FNDC3B: variants seen among roughly 807,000 people sequenced by gnomAD.
The protein encoded by FNDC3B is fibronectin type III domain containing 3B.
Under a neutral mutation model 151.5 loss-of-function variants are expected in FNDC3B, and 12 were observed. That is an observed-to-expected ratio of 0.08 (90% CI 0.05 to 0.13). FNDC3B has a LOEUF of 0.13. FNDC3B is among the 10% of genes least tolerant of loss of function. The probability of loss-of-function intolerance (pLI) is 1.00; values close to 1 mark genes in which losing one functional copy is unlikely to be tolerated. For missense variants in FNDC3B, 1,214 were observed against 1,505.3 expected (o/e 0.81, Z 3.20); for synonymous variants, 528 against 549.0 (o/e 0.96, Z 0.54).
chr3:172,207,886 G>A (rs1725512784), intron 3 of FNDC3B, among the ~76,000 whole-genome samples: 1 of 152,222 alleles, frequency 6.6e-6, no homozygotes, highest in African/African-American at 2.4e-5. Context: ...GAAGGAGGTT[G>A]CAGTGAACCG....
At chr3:172,186,652 C>T (rs1724200273) in intron 3 of FNDC3B, 2 of 671,364 alleles carry the variant, frequency 3.0e-6, no homozygotes, top group Non-Finnish European at 2.7e-6. Context: ...GCAAGAAAAT[C>T]ATGGAAAATT....
intron 3 of FNDC3B, among the ~76,000 whole-genome samples, chr3:172,156,853 T>C (rs146510334): frequency 6.6e-6 from 1 of 152,306 alleles, no homozygotes; most frequent in East Asian, 1.9e-4. Context: ...TTTTTAACCT[T>C]TTGAGGTGTG....
intron 11 of FNDC3B, among the ~76,000 whole-genome samples, chr3:172,328,143 T>A (rs1202733097): frequency 6.6e-6 from 1 of 152,212 alleles, no homozygotes; most frequent in African/African-American, 2.4e-5. Flanking sequence ...ATTTTTACTT[T>A]AACGAATTTG....
chr3:172,138,429 C>T (rs1027515925), intron 3 of FNDC3B, among the ~76,000 whole-genome samples: 2 of 152,062 alleles, frequency 1.3e-5, no homozygotes, highest in African/African-American at 2.4e-5. Flanking sequence ...GGTTTAGTTA[C>T]GTGCTTATAG....
chr3:172,387,145 C>T (rs1194266500), intron 25 of FNDC3B, among the ~76,000 whole-genome samples: 8 of 152,130 alleles, frequency 5.3e-5, no homozygotes, highest in African/African-American at 7.2e-5. Flanking sequence ...TTAGTAGAGA[C>T]GGGATTTCAC....
At chr3:172,396,810 C>T (rs1375985935) in intron 25 of FNDC3B, among the ~76,000 whole-genome samples, 1 of 152,206 alleles carries the variant, frequency 6.6e-6, no homozygotes, top group Non-Finnish European at 1.5e-5. Flanking sequence ...ACTTGTCCTC[C>T]ACAAAACCAG....
chr3:172,051,378 T>C (rs1183812881), intron 1 of FNDC3B, among the ~76,000 whole-genome samples: 1 of 152,204 alleles, frequency 6.6e-6, no homozygotes, highest in Non-Finnish European at 1.5e-5. Flanking sequence ...ATAGTCTCCT[T>C]GTCTCCCTTA....
At chr3:172,375,540 A>G (rs1187848609) in intron 23 of FNDC3B, among the ~76,000 whole-genome samples, 1 of 152,182 alleles carries the variant, frequency 6.6e-6, no homozygotes, top group East Asian at 1.9e-4. Context: ...GGAATTACTT[A>G]CCATCTATTT....
At chr3:172,213,986 A>G (rs1167956720) in intron 3 of FNDC3B, among the ~76,000 whole-genome samples, 1 of 117,484 alleles carries the variant, frequency 8.5e-6, no homozygotes, top group Non-Finnish European at 1.8e-5. Context: ...GCAATGTGCC[A>G]AAATTAGAAG....
intron 8 of FNDC3B, 84 bp downstream of exon 8, chr3:172,295,598 T>A: frequency 7.2e-7 from 1 of 1,380,766 alleles, no homozygotes; most frequent in South Asian, 1.3e-5. Context: ...AAGGAAAACC[T>A]TATAGGCTTG....
intron 3 of FNDC3B, among the ~76,000 whole-genome samples, chr3:172,174,056 C>T (rs919337323): frequency 6.6e-6 from 1 of 152,120 alleles, no homozygotes; most frequent in African/African-American, 2.4e-5. Context: ...TGTGTCTGTA[C>T]TCTGTGGCAC....
chr3:172,070,866 A>T (rs1717742579), intron 1 of FNDC3B, among the ~76,000 whole-genome samples: 3 of 152,084 alleles, frequency 2.0e-5, no homozygotes, highest in African/African-American at 7.2e-5. Flanking sequence ...TTCATCCTTC[A>T]ATATTTCAGT....
chr3:172,363,674 T>C (rs1734470861), intron 23 of FNDC3B, among the ~76,000 whole-genome samples: 1 of 152,246 alleles, frequency 6.6e-6, no homozygotes, highest in Non-Finnish European at 1.5e-5. Flanking sequence ...CTTTTATGCA[T>C]GATACTATTC....
At chr3:172,046,590 T>C (rs1206658399) in intron 1 of FNDC3B, among the ~76,000 whole-genome samples, 1 of 152,098 alleles carries the variant, frequency 6.6e-6, no homozygotes, top group Non-Finnish European at 1.5e-5. Flanking sequence ...CCCAAAATGT[T>C]GGGATTATAG....
chr3:172,368,474 A>T (rs562272698), intron 23 of FNDC3B, among the ~76,000 whole-genome samples: 2 of 152,170 alleles, frequency 1.3e-5, no homozygotes, highest in African/African-American at 4.8e-5. Context: ...TTCTCTGACT[A>T]GTCCCCGATC....
At position 172,397,758 on chromosome 3, in the gene FNDC3B, T is replaced by C. The variant is rs1736365976; in HGVS notation, c.*283T>C. The C allele has an allele frequency of 4.8e-6, 1 of 209,796 alleles. No homozygotes were observed. Among genetic ancestry groups the C allele is most frequent in the Admixed American group, 5.8e-5 (1 of 17,328 alleles). 13.0% of individuals were successfully genotyped at this position (209,796 alleles called of 1,614,324 possible). ...ATGTTTTCCTTTAAATTTTCAGATT[T>C]ACCTTCATTCTGTTTTCACTGATGT... On this transcript the variant is annotated 3_prime_UTR_variant, in exon 26 of 26. Coordinates refer to ENST00000415807, the MANE Select transcript of FNDC3B (RefSeq NM_022763.4).
At chr3:172,129,002 C>T (rs896843841) in intron 2 of FNDC3B, among the ~76,000 whole-genome samples, 6 of 152,158 alleles carry the variant, frequency 3.9e-5, no homozygotes, top group Non-Finnish European at 8.8e-5. Context: ...CAGTCTTGCT[C>T]TGTTGTCCGG....
chr3:172,362,647 C>G lies in FNDC3B; in HGVS notation c.2810C>G (p.Ala937Gly). ...CCTTTCTCTAGGATCAGAATTCAGG[C>G]TATAAATGAAATTGGAGCTGGACCA... is the stretch of plus-strand genomic sequence containing the variant. ...PETTYRIRIQ[A>G]INEIGAGPFS... Residue 937 changes from alanine to glycine, a missense_variant, in exon 23 of 26, where the codon GCT (alanine) becomes GGT (glycine). Physicochemically the swap from Ala to Gly is moderately conservative, Grantham distance 60 (BLOSUM62 0). Transcript: ENST00000415807. 6.2e-7 allele frequency: 1 copy of G among 1,613,612 alleles called. No individual in the cohort carries two copies.
chr3:172,266,626 C>T (rs554717016), intron 6 of FNDC3B, among the ~76,000 whole-genome samples: 6 of 152,318 alleles, frequency 3.9e-5, no homozygotes, highest in South Asian at 2.1e-4. Context: ...ATCTGTTCCT[C>T]GCCTCTTCCA....
Sources: gnomAD v4.1 joint callset for allele counts (sites outside exome capture counted in the v4.1 genomes callset) on GRCh38, gnomAD v4.1.1 for gene constraint, MANE v1.5 for transcripts, NCBI Gene and HGNC (gene_info 2026-07-23, HGNC 2026-07-21) for gene names.